ERC2: variants seen among roughly 807,000 people sequenced by gnomAD.
ERC2 encodes the protein ELKS/RAB6-interacting/CAST family member 2, also known as ERC protein 2.
In ERC2, 42 loss-of-function variants were observed where a neutral mutation model predicts 114.8. That is an observed-to-expected ratio of 0.37 (90% CI 0.29 to 0.47). The LOEUF (loss-of-function observed/expected upper bound fraction) is 0.47. Ranked by LOEUF, ERC2 falls within the 20% of genes least tolerant of loss-of-function variation. ERC2 has a pLI of 0.99. For missense variants in ERC2, 939 were observed against 1,150.7 expected (o/e 0.82, Z 2.66); for synonymous variants, 454 against 425.5 (o/e 1.07, Z -0.82).
At chr3:55,592,474 G>C (rs533821000) in intron 17 of ERC2, among the ~76,000 whole-genome samples, 83 of 152,276 alleles carry the variant, frequency 5.5e-4, no homozygotes, top group African/African-American at 1.6e-3. Context: ...CATGCTGGTA[G>C]AGTCATGGGG....
intron 17 of ERC2, among the ~76,000 whole-genome samples, chr3:55,628,674 G>T (rs1376289283): frequency 6.6e-6 from 1 of 152,126 alleles, no homozygotes; most frequent in South Asian, 2.1e-4. Flanking sequence ...AGTAGGAAAG[G>T]CCTGGGAAAA....
intron 17 of ERC2, chr3:55,657,105 T>G (rs1019465581): frequency 1.3e-5 from 2 of 152,186 alleles, no homozygotes; most frequent in African/African-American, 4.8e-5. Context: ...ATCTCCTGGA[T>G]AGTGGTATGA....
At chr3:56,026,521 TGAG>T (rs369642609) in intron 7 of ERC2, among the ~76,000 whole-genome samples, 98 of 152,196 alleles carry the variant, frequency 6.4e-4, no homozygotes, top group African/African-American at 2.2e-3. Flanking sequence ...AGTGTCATGA[TGAG>T]GAGGAGGAGG....
At chr3:55,974,269 G>C (rs78818859) in intron 12 of ERC2, among the ~76,000 whole-genome samples, 6 of 152,142 alleles carry the variant, frequency 3.9e-5, no homozygotes, top group Admixed American at 1.3e-4. Context: ...ATTACTAGCC[G>C]GACAGGGGCT....
chr3:55,523,898 G>A (rs761872129), intron 17 of ERC2, among the ~76,000 whole-genome samples: 1 of 152,204 alleles, frequency 6.6e-6, no homozygotes, highest in Non-Finnish European at 1.5e-5. Context: ...ATTTGTTGCT[G>A]CCATAAGCAC....
At chr3:55,727,925 C>T (rs2065020352) in intron 15 of ERC2, among the ~76,000 whole-genome samples, 2 of 152,076 alleles carry the variant, frequency 1.3e-5, no homozygotes, top group Admixed American at 6.5e-5. Flanking sequence ...CAAGAAAGGG[C>T]GTGGTGCCAT....
intron 12 of ERC2, among the ~76,000 whole-genome samples, chr3:55,965,119 G>C (rs1365740993): frequency 6.6e-6 from 1 of 152,160 alleles, no homozygotes; most frequent in Non-Finnish European, 1.5e-5. Flanking sequence ...CTATCAGCTA[G>C]ATGCAAGTCA....
intron 6 of ERC2, among the ~76,000 whole-genome samples, chr3:56,133,127 C>T (rs1235238283): frequency 1.3e-5 from 2 of 152,100 alleles, no homozygotes; most frequent in African/African-American, 4.8e-5. Flanking sequence ...ATAAAACTTG[C>T]CACAAATTTT....
At chr3:55,623,129 G>GTGCAGTGGGGCTT (rs2059388068) in intron 17 of ERC2, among the ~76,000 whole-genome samples, 1 of 152,186 alleles carries the variant, frequency 6.6e-6, no homozygotes, top group Admixed American at 6.5e-5. Context: ...AAGTGGCACA[G>GTGCAGTGGGGCTT]TGCAGTGGGA....
intron 4 of ERC2, among the ~76,000 whole-genome samples, chr3:56,151,935 C>T (rs2081433812): frequency 6.6e-6 from 1 of 152,198 alleles, no homozygotes; most frequent in Non-Finnish European, 1.5e-5. Flanking sequence ...AAAGAGCTTT[C>T]TTCATCTGAA....
chr3:56,130,110 T>C (rs941986455), intron 6 of ERC2, among the ~76,000 whole-genome samples: 2 of 152,232 alleles, frequency 1.3e-5, no homozygotes, highest in Non-Finnish European at 2.9e-5. Context: ...AAAAGAGTAC[T>C]GTAAAATATC....
intron 13 of ERC2, among the ~76,000 whole-genome samples, chr3:55,929,397 G>C (rs2065939797): frequency 6.6e-6 from 1 of 152,140 alleles, no homozygotes; most frequent in Non-Finnish European, 1.5e-5. Flanking sequence ...TCTCCAAGCA[G>C]CTTCCTCTTA....
chr3:56,166,242 T>A (rs1246793962), intron 4 of ERC2, among the ~76,000 whole-genome samples: 1 of 152,048 alleles, frequency 6.6e-6, no homozygotes, highest in Non-Finnish European at 1.5e-5. Context: ...AAACACAACT[T>A]GGTCATGTCA....
intron 3 of ERC2, among the ~76,000 whole-genome samples, chr3:56,279,648 AG>A (rs2054222148): frequency 6.6e-6 from 1 of 152,246 alleles, no homozygotes; most frequent in African/African-American, 2.4e-5. Flanking sequence ...GCCAGGCTCA[AG>A]ACTTTGTACT....
intron 3 of ERC2, among the ~76,000 whole-genome samples, chr3:56,227,550 CCT>C (rs2050332077): frequency 6.6e-6 from 1 of 152,066 alleles, no homozygotes; most frequent in South Asian, 2.1e-4. Context: ...CAGAAGCCCC[CCT>C]GACTCCGCTT....
chr3:55,905,372 C>T (rs577166883), intron 13 of ERC2, among the ~76,000 whole-genome samples: 6 of 152,268 alleles, frequency 3.9e-5, no homozygotes, highest in South Asian at 2.1e-4. Context: ...TGAGCCACCA[C>T]GCACATTCTT....
intron 14 of ERC2, among the ~76,000 whole-genome samples, chr3:55,786,113 T>A (rs1362213459): frequency 6.6e-6 from 1 of 152,218 alleles, no homozygotes; most frequent in Non-Finnish European, 1.5e-5. Context: ...CACACATAGC[T>A]TGCAATATGC....
intron 15 of ERC2, among the ~76,000 whole-genome samples, chr3:55,733,538 T>A (rs1387023825): frequency 0.031 from 2,267 of 74,106 alleles, 63 homozygotes; most frequent in African/African-American, 0.069. Context: ...TCTTTCTCTC[T>A]CTCTCACACA....
intron 3 of ERC2, among the ~76,000 whole-genome samples, chr3:56,193,311 C>G (rs983771440): frequency 3.9e-5 from 6 of 152,140 alleles, no homozygotes; most frequent in Admixed American, 1.3e-4. Flanking sequence ...AGTTCGAGAT[C>G]AGCCTGGCCA....
Sources: gnomAD v4.1 joint callset for allele counts (sites outside exome capture counted in the v4.1 genomes callset) on GRCh38, gnomAD v4.1.1 for gene constraint, MANE v1.5 for transcripts, NCBI Gene and HGNC (gene_info 2026-07-23, HGNC 2026-07-21) for gene names.